KCNMA1: variants seen among roughly 807,000 people sequenced by gnomAD.
KCNMA1 encodes the protein Calcium-activated potassium channel subunit alpha-1.
KCNMA1 carries 29 observed loss-of-function variants against 140.0 expected under a neutral mutation model. The ratio of observed to expected loss-of-function variants is 0.21; its 90% CI spans 0.15 to 0.28. The LOEUF is 0.28. KCNMA1 is among the 10% of genes least tolerant of loss of function. The pLI is 1.00. For synonymous variants in KCNMA1, 612 were observed against 611.9 expected, an observed-to-expected ratio of 1.00 and a Z score of 0.00; for missense variants, 880 against 1,602.2, an observed-to-expected ratio of 0.55 and a Z score of 7.70.
intron 3 of KCNMA1, among the ~76,000 whole-genome samples, chr10:77,215,146 G>A (rs1270070571): frequency 6.6e-6 from 1 of 151,954 alleles, no homozygotes; most frequent in Non-Finnish European, 1.5e-5. Context: ...CCCAGTAAAT[G>A]CTACCACCAG....
intron 1 of KCNMA1, among the ~76,000 whole-genome samples, chr10:77,527,682 T>C (rs1165615560): frequency 2.0e-5 from 3 of 151,982 alleles, no homozygotes; most frequent in African/African-American, 7.3e-5. Flanking sequence ...CCATTTCCAT[T>C]TATTAAAAGA....
At chr10:77,553,975 T>C (rs1296012850) in intron 1 of KCNMA1, among the ~76,000 whole-genome samples, 6 of 95,634 alleles carry the variant, frequency 6.3e-5, no homozygotes, top group Non-Finnish European at 1.3e-4. Flanking sequence ...AGGGATCGAC[T>C]TTTTTTTTTT....
rs113609247 is a variant in KCNMA1 at position 77,014,209 on chromosome 10, C to T, written c.2016-2166G>A. On this transcript the variant is annotated intron_variant, in intron 17 of 27. Transcript: ENST00000286628. ...TTGGGAGGCTGATGTGGATAGATCA[C>T]GAGGCCAGGAGTTTGAGACCAGCCT... is the stretch of plus-strand genomic sequence containing the variant. 7.9e-5 allele frequency among the ~76,000 whole-genome samples: 12 copies of T among 152,150 alleles called. 1 individual carries two copies. The highest frequency in any genetic ancestry group is 2.4e-4 in the African/African-American group (10 of 41,524).
intron 2 of KCNMA1, among the ~76,000 whole-genome samples, chr10:77,372,054 G>C (rs2094767179): frequency 6.6e-6 from 1 of 152,124 alleles, no homozygotes; most frequent in African/African-American, 2.4e-5. Context: ...GTTCACATTT[G>C]TTTGCCTTCC....
chr10:76,915,122 T>C (rs912249779), intron 23 of KCNMA1, 73 bp from the exon 24 acceptor site: 1 of 1,017,942 alleles, frequency 9.8e-7, no homozygotes, highest in South Asian at 1.3e-5. Context: ...GAGTACACTA[T>C]ATACATACAA....
In KCNMA1 at chr10:77,600,734, G is replaced by A. The variant is rs367810707; in HGVS notation, c.378+36531C>T. On this transcript the variant is annotated intron_variant, in intron 1 of 27. Coordinates refer to ENST00000286628, the MANE Select transcript of KCNMA1 (RefSeq NM_001161352.2). ...TGCACTGCAGCCTGGGTGACAGAGC[G>A]AAACTCCATCTCAAACACACACACA... Among the ~76,000 whole-genome samples, 21 of 149,706 alleles carry A rather than the reference G, an allele frequency of 1.4e-4. 2 individuals carry two copies. The highest frequency in any genetic ancestry group is 8.1e-4 in the Admixed American group (12 of 14,850).
At chr10:77,373,187 C>A (rs1156760207) in intron 2 of KCNMA1, among the ~76,000 whole-genome samples, 1 of 152,220 alleles carries the variant, frequency 6.6e-6, no homozygotes, top group African/African-American at 2.4e-5. Context: ...ATGCTGCCAT[C>A]TTGTTGGTTT....
intron 1 of KCNMA1, among the ~76,000 whole-genome samples, chr10:77,533,478 T>C (rs2058173972): frequency 6.6e-6 from 1 of 152,098 alleles, no homozygotes; most frequent in African/African-American, 2.4e-5. Context: ...AAGGCAGGCA[T>C]CCCGGGAGGA....
chr10:77,089,239 C>T (rs535270144), intron 10 of KCNMA1, among the ~76,000 whole-genome samples: 14 of 152,308 alleles, frequency 9.2e-5, no homozygotes, highest in East Asian at 7.7e-4. Context: ...CAGAGGACGA[C>T]GATCCACCAA....
intron 1 of KCNMA1, among the ~76,000 whole-genome samples, chr10:77,546,532 C>A (rs973171106): frequency 6.6e-6 from 1 of 152,334 alleles, no homozygotes; most frequent in South Asian, 2.1e-4. Flanking sequence ...CTATCCATGT[C>A]CCAGGCCACT....
chr10:77,483,258 TCTC>T (rs1032637218), intron 1 of KCNMA1, among the ~76,000 whole-genome samples: 19 of 152,228 alleles, frequency 1.2e-4, no homozygotes, highest in African/African-American at 4.1e-4. Context: ...CTCCGACCCT[TCTC>T]CTCTCCTCTG....
intron 2 of KCNMA1, among the ~76,000 whole-genome samples, chr10:77,363,716 C>T (rs921944172): frequency 3.9e-5 from 6 of 152,132 alleles, no homozygotes; most frequent in Admixed American, 6.5e-5. Flanking sequence ...CTTGACTGTG[C>T]GTAGCTCTTT....
intron 17 of KCNMA1, among the ~76,000 whole-genome samples, chr10:77,015,199 G>A (rs1383985265): frequency 6.6e-6 from 1 of 152,100 alleles, no homozygotes; most frequent in Non-Finnish European, 1.5e-5. Context: ...TGGTTTCCTG[G>A]CCTGCGTGTC....
intron 14 of KCNMA1, among the ~76,000 whole-genome samples, chr10:77,067,117 G>A (rs555857648): frequency 6.6e-6 from 1 of 152,292 alleles, no homozygotes; most frequent in East Asian, 1.9e-4. Context: ...TGAGGGTGGA[G>A]GGTGTTTCTG....
chr10:77,022,868 T>C (rs2093013135), intron 16 of KCNMA1: 1 of 438,362 alleles, frequency 2.3e-6, no homozygotes, highest in South Asian at 1.6e-5. Flanking sequence ...GATTGGCCAA[T>C]GATCTAGCAA....
chr10:77,513,941 A>C (rs1430476213), intron 1 of KCNMA1, among the ~76,000 whole-genome samples: 2 of 152,204 alleles, frequency 1.3e-5, no homozygotes, highest in African/African-American at 2.4e-5. Flanking sequence ...CTCTCACCGC[A>C]GTGCTGCCTG....
chr10:77,487,997 T>C (rs916872153), intron 1 of KCNMA1, among the ~76,000 whole-genome samples: 12 of 152,178 alleles, frequency 7.9e-5, no homozygotes, highest in African/African-American at 2.2e-4. Flanking sequence ...TCAGACACCT[T>C]CTGCAATATG....
chr10:77,578,719 C>T (rs2075012277), intron 1 of KCNMA1, among the ~76,000 whole-genome samples: 1 of 152,234 alleles, frequency 6.6e-6, no homozygotes, highest in African/African-American at 2.4e-5. Flanking sequence ...GTCACCTCCT[C>T]AGAGGCCTTC....
intron 3 of KCNMA1, among the ~76,000 whole-genome samples, chr10:77,186,597 C>T (rs1329142228): frequency 1.3e-5 from 2 of 152,128 alleles, no homozygotes; most frequent in East Asian, 1.9e-4. Context: ...CTGCAATTCT[C>T]AGGCCATGGG....
Sources: gnomAD v4.1 joint callset for allele counts (sites outside exome capture counted in the v4.1 genomes callset) on GRCh38, gnomAD v4.1.1 for gene constraint, MANE v1.5 for transcripts, NCBI Gene and HGNC (gene_info 2026-07-23, HGNC 2026-07-21) for gene names.